UNC13C: variants seen among roughly 807,000 people sequenced by gnomAD.
UNC13C encodes the protein protein unc-13 homolog C.
A neutral mutation model predicts 245.4 loss-of-function variants in UNC13C; 174 were observed. The ratio of observed to expected loss-of-function variants is 0.71; its 90% CI spans 0.63 to 0.80. UNC13C has a LOEUF of 0.80. Ranked by LOEUF, UNC13C falls within the 30% of genes least tolerant of loss-of-function variation. The pLI is 0.00. For missense variants in UNC13C, 2,829 were observed against 2,602.9 expected (o/e 1.09, Z -1.89); for synonymous variants, 992 against 895.1 (o/e 1.11, Z -1.93).
chr15:54,532,748 G>A lies in UNC13C; in HGVS notation c.5547-169G>A, dbSNP rs16974741. ...TCTGCCTTACTTATAAGTATTACACGTAAGCTTTCATTGGAACAAAAATTT... is the reference window on the plus strand; with the variant it reads ...TCTGCCTTACTTATAAGTATTACACATAAGCTTTCATTGGAACAAAAATTT... On this transcript the variant is annotated intron_variant, in intron 25 of 32. Coordinates refer to ENST00000260323, the MANE Select transcript of UNC13C (RefSeq NM_001080534.3). Among the ~76,000 whole-genome samples the A allele has an allele frequency of 7.9e-3, 1,195 of 152,192 alleles. 16 individuals are homozygous for A. Among genetic ancestry groups the A allele is most frequent in the African/African-American group, 0.027 (1,120 of 41,524 alleles).
chr15:54,110,780 C>T (rs1032914623), intron 2 of UNC13C, among the ~76,000 whole-genome samples: 2 of 152,110 alleles, frequency 1.3e-5, no homozygotes, highest in Non-Finnish European at 2.9e-5. Flanking sequence ...CTTCCTTGAA[C>T]AGAACTGATT....
chr15:54,032,657 A>C (rs1896407947), intron 2 of UNC13C, among the ~76,000 whole-genome samples: 1 of 152,226 alleles, frequency 6.6e-6, no homozygotes, highest in Non-Finnish European at 1.5e-5. Context: ...CCTGTCACTT[A>C]AAAGCTGAAA....
At chr15:54,226,271 G>C (rs922837903) in intron 4 of UNC13C, among the ~76,000 whole-genome samples, 3 of 152,042 alleles carry the variant, frequency 2.0e-5, no homozygotes, top group African/African-American at 7.2e-5. Context: ...TTCATTTTTT[G>C]TCATTTCTCT....
At chr15:54,276,474 A>G (rs917840513) in intron 10 of UNC13C, among the ~76,000 whole-genome samples, 4 of 152,100 alleles carry the variant, frequency 2.6e-5, no homozygotes, top group African/African-American at 9.7e-5. Context: ...CCTGACCACC[A>G]CCATCCTTTG....
intron 17 of UNC13C, among the ~76,000 whole-genome samples, chr15:54,348,796 C>T (rs570361675): frequency 9.2e-5 from 14 of 152,018 alleles, no homozygotes; most frequent in Non-Finnish European, 1.8e-4. Context: ...TAAAATGTGC[C>T]CTGAAATGTA....
intron 4 of UNC13C, among the ~76,000 whole-genome samples, chr15:54,158,401 T>A (rs2032839237): frequency 6.6e-6 from 1 of 152,090 alleles, no homozygotes. Context: ...CAATCTCTGC[T>A]CATTGCAAGC....
intron 2 of UNC13C, chr15:54,050,875 C>G (rs777132744): frequency 1.8e-5 from 10 of 558,618 alleles, no homozygotes; most frequent in Non-Finnish European, 3.2e-5. Context: ...TCTTCAGTCT[C>G]ATGACTCCAC....
intron 11 of UNC13C, among the ~76,000 whole-genome samples, chr15:54,297,517 T>C (rs186643298): frequency 3.7e-4 from 54 of 145,578 alleles, no homozygotes; most frequent in African/African-American, 1.3e-3. Context: ...CACACCTGCC[T>C]AATTAAAAAA....
At chr15:54,460,907 G>C (rs1445345803) in intron 19 of UNC13C, among the ~76,000 whole-genome samples, 1 of 152,078 alleles carries the variant, frequency 6.6e-6, no homozygotes, top group Non-Finnish European at 1.5e-5. Flanking sequence ...CAAATCTGCT[G>C]TTGTAATAGT....
downstream of UNC13C, chr15:54,633,051 G>T (rs1035829195): frequency 1.3e-5 from 2 of 152,210 alleles, no homozygotes; most frequent in African/African-American, 4.8e-5. Context: ...TGTAATCCCA[G>T]CTACTCTGGA....
Position 54,338,489 on chromosome 15 carries a change from G to T in UNC13C, c.4713G>T (p.Pro1571=), listed in dbSNP as rs1445102357. ...CHELYSQLTD[P]SKKQDIPRED... is the part of the protein sequence containing the mutation. Reference sequence around the variant, plus strand: ...AACTCTACTCCCAGCTAACAGACCCGGTAAGAAAATATGTATGTCTTTTAT... The same window carrying T: ...AACTCTACTCCCAGCTAACAGACCCTGTAAGAAAATATGTATGTCTTTTAT... Residue 1571 remains proline, a splice_region_variant and synonymous_variant, in exon 17 of 33, where the codon CCG becomes CCT. Transcript: ENST00000260323. 6.2e-7 allele frequency: 1 copy of T among 1,611,970 alleles called. No homozygotes were observed. The highest frequency in any genetic ancestry group is 8.5e-7 in the Non-Finnish European group (1 of 1,178,602).
chr15:54,342,377 C>A (rs2038754877), intron 17 of UNC13C, among the ~76,000 whole-genome samples: 1 of 151,952 alleles, frequency 6.6e-6, no homozygotes, highest in East Asian at 1.9e-4. Flanking sequence ...GCAACCTGGG[C>A]AACATAGCAA....
At chr15:54,239,574 C>T (rs1458448496) in intron 7 of UNC13C, among the ~76,000 whole-genome samples, 2 of 152,148 alleles carry the variant, frequency 1.3e-5, no homozygotes, top group Non-Finnish European at 2.9e-5. Context: ...CCTCTGCCTT[C>T]TGGGTAGTTG....
chr15:53,946,576 C>A, the UNC13C span, among the ~76,000 whole-genome samples: 1 of 150,754 alleles, frequency 6.6e-6, no homozygotes, highest in Non-Finnish European at 1.5e-5. Flanking sequence ...CAAAAATTAG[C>A]TGGACACAGT....
chr15:54,255,457 G>A (rs1233674568), intron 8 of UNC13C, among the ~76,000 whole-genome samples: 1 of 152,090 alleles, frequency 6.6e-6, no homozygotes, highest in East Asian at 1.9e-4. Context: ...CCGACGTGAC[G>A]ATTTCTGTCC....
intron 13 of UNC13C, among the ~76,000 whole-genome samples, chr15:54,306,409 C>T (rs867021657): frequency 2.0e-5 from 3 of 152,012 alleles, no homozygotes; most frequent in African/African-American, 7.2e-5. Context: ...TAGGCTGTTC[C>T]CCTTCTCTAA....
chr15:54,466,724 G>A (rs945684789), intron 19 of UNC13C, among the ~76,000 whole-genome samples: 1 of 151,890 alleles, frequency 6.6e-6, no homozygotes, highest in African/African-American at 2.4e-5. Flanking sequence ...TGGACATTCA[G>A]TGGAGGTGGG....
At chr15:54,511,883 CAGCATATCTCT>C in intron 24 of UNC13C, 53 bp downstream of exon 24, 1 of 1,269,930 alleles carries the variant, frequency 7.9e-7, no homozygotes, top group Non-Finnish European at 1.1e-6. Context: ...AGATTATTAG[CAGCATATCTCT>C]TGCTATGAAA....
chr15:53,936,611 G>A, the UNC13C span, among the ~76,000 whole-genome samples: 2 of 152,186 alleles, frequency 1.3e-5, no homozygotes, highest in Admixed American at 6.5e-5. Flanking sequence ...ACACCTACAG[G>A]AGCATTCAGG....
Sources: allele counts gnomAD v4.1 joint callset (sites outside exome capture counted in the v4.1 genomes callset), GRCh38; gene constraint gnomAD v4.1.1; transcripts MANE v1.5; gene names NCBI Gene and HGNC (gene_info 2026-07-23, HGNC 2026-07-21).